Variants in IQGAP1 observed in about 807,000 individuals in gnomAD.
The protein encoded by IQGAP1 is ras GTPase-activating-like protein IQGAP1.
In IQGAP1, 66 loss-of-function variants were observed where a neutral mutation model predicts 215.6. The ratio of observed to expected loss-of-function variants is 0.31; its 90% CI spans 0.25 to 0.38. The LOEUF (loss-of-function observed/expected upper bound fraction) is 0.38, where lower values mean the gene tolerates loss of function less well. IQGAP1 is among the 10% of genes least tolerant of loss of function. IQGAP1 has a pLI of 1.00. For synonymous variants in IQGAP1, 772 were observed against 728.7 expected, an observed-to-expected ratio of 1.06 and a Z score of -0.96; for missense variants, 1,712 against 1,997.1, an observed-to-expected ratio of 0.86 and a Z score of 2.72.
chr15:90,403,258 C>T (rs1335572572), intron 2 of IQGAP1, among the ~76,000 whole-genome samples: 1 of 152,152 alleles, frequency 6.6e-6, no homozygotes, highest in African/African-American at 2.4e-5. Context: ...TGTGTTTCTT[C>T]CCTGAAGACA....
chr15:90,422,622 A>ACG (rs1555435938), intron 2 of IQGAP1, among the ~76,000 whole-genome samples: 2 of 47,026 alleles, frequency 4.3e-5, no homozygotes, highest in African/African-American at 2.3e-4. Context: ...ATATATATAT[A>ACG]TATGTATATA....
At chr15:90,445,836 T>C (rs1439095914) in intron 9 of IQGAP1, among the ~76,000 whole-genome samples, 1 of 130,724 alleles carries the variant, frequency 7.6e-6, no homozygotes, top group Non-Finnish European at 1.5e-5. Flanking sequence ...ACCAGCATTC[T>C]TTTTTTTTGG....
chr15:90,476,016 A>T (rs7182658), intron 23 of IQGAP1, among the ~76,000 whole-genome samples: 58,318 of 151,580 alleles, frequency 0.38, 12,406 homozygotes, highest in African/African-American at 0.59. Context: ...ACTCACTGCA[A>T]CCTCGACCTC....
At chr15:90,459,539 G>C (rs983027251) in intron 15 of IQGAP1, among the ~76,000 whole-genome samples, 1 of 152,198 alleles carries the variant, frequency 6.6e-6, no homozygotes, top group African/African-American at 2.4e-5. Flanking sequence ...TGACTATAGA[G>C]TTTGAAGCAT....
chr15:90,465,671 ATGTT>A (rs36085795), intron 15 of IQGAP1, among the ~76,000 whole-genome samples: 4,819 of 89,154 alleles, frequency 0.054, 117 homozygotes, highest in Non-Finnish European at 0.081. Flanking sequence ...TGGCCAAGCT[ATGTT>A]TGTTTGTTTG....
Position 90,390,844 on chromosome 15 carries a change from G to A in IQGAP1, c.126G>A (p.Glu42=). 6.2e-7 allele frequency: 1 copy of A among 1,612,052 alleles called. No individual in the cohort carries two copies. The highest frequency in any genetic ancestry group is 8.5e-7 in the Non-Finnish European group (1 of 1,178,102). The change falls in exon 2 of 38, where the codon GAG becomes GAA. Residue 42 remains glutamate (E), a synonymous_variant. Coordinates refer to ENST00000268182, the MANE Select transcript of IQGAP1 (RefSeq NM_003870.4). ...GGAGACGTCAGAACGTGGCTTATGAGTACCTTTGTCATTTGGAAGAAGCGA... is the reference window on the plus strand; with the variant it reads ...GGAGACGTCAGAACGTGGCTTATGAATACCTTTGTCATTTGGAAGAAGCGA... ...DERRRQNVAY[E]YLCHLEEAKR...
chr15:90,414,437 C>T (rs923201281), intron 2 of IQGAP1, among the ~76,000 whole-genome samples: 4 of 152,054 alleles, frequency 2.6e-5, no homozygotes, highest in Admixed American at 6.6e-5. Flanking sequence ...CCTGTGTCAC[C>T]ACTCCACTAA....
chr15:90,494,834 C>A lies in IQGAP1; in HGVS notation c.4750C>A (p.Gln1584Lys). Residue 1584 changes from glutamine to lysine, a missense_variant and splice_region_variant, in exon 36 of 38, where the codon CAG (glutamine) becomes AAG (lysine). Transcript: ENST00000268182. ...LLEIEDLQVN[Q>K]FKNVIFEISP... ...GGAAATTGAGGACCTGCAAGTGAAT[C>A]AGTGAGTCTTTGCTTTTTGTTTTAT... is the stretch of plus-strand genomic sequence containing the variant. 1.9e-6 allele frequency: 3 copies of A among 1,598,890 alleles called. No individual in the cohort carries two copies. The highest frequency in any genetic ancestry group is 2.3e-5 in the South Asian group (2 of 88,824).
chr15:90,388,347 C>T lies in IQGAP1; in HGVS notation c.6C>T (p.Ser2=). 6.3e-7 allele frequency: 1 copy of T among 1,596,026 alleles called. No homozygotes were observed. The highest frequency in any genetic ancestry group is 8.5e-7 in the Non-Finnish European group (1 of 1,172,748). Residue 2 remains serine (S), a synonymous_variant, in exon 1 of 38, where the codon TCC becomes TCT. Coordinates refer to ENST00000268182, the MANE Select transcript of IQGAP1 (RefSeq NM_003870.4). The part of the protein sequence containing the change: M[S]AADEVDGLGV... ...GAGACTCGGGCTCGTCCGCCATGTC[C>T]GCCGCAGACGAGGTTGACGGGCTGG...
At chr15:90,418,762 C>G (rs1965090137) in intron 2 of IQGAP1, among the ~76,000 whole-genome samples, 1 of 151,988 alleles carries the variant, frequency 6.6e-6, no homozygotes, top group Non-Finnish European at 1.5e-5. Context: ...TTCAGGAAGC[C>G]CAATTTCAGA....
chr15:90,464,829 G>A (rs1448966798), intron 15 of IQGAP1, among the ~76,000 whole-genome samples: 1 of 151,134 alleles, frequency 6.6e-6, no homozygotes, highest in Admixed American at 6.6e-5. Flanking sequence ...TCCAGTCTGA[G>A]TGACAGAGCG....
chr15:90,438,566 T>C (rs1248614955), intron 5 of IQGAP1, among the ~76,000 whole-genome samples: 2 of 152,226 alleles, frequency 1.3e-5, no homozygotes, highest in Non-Finnish European at 2.9e-5. Context: ...TTACCTGGAT[T>C]AAACTTTTCC....
At chr15:90,497,445 C>G (rs879841463) in intron 37 of IQGAP1, 105 bp downstream of exon 37, 7 of 655,314 alleles carry the variant, frequency 1.1e-5, no homozygotes, top group Non-Finnish European at 1.9e-5. Flanking sequence ...TGTCTACATT[C>G]AGCAGTGAGC....
intron 2 of IQGAP1, among the ~76,000 whole-genome samples, chr15:90,416,516 C>T (rs2151009701): frequency 6.6e-6 from 1 of 152,244 alleles, no homozygotes; most frequent in Admixed American, 6.5e-5. Context: ...TTTACAGTCC[C>T]TCCAGCAGTG....
chr15:90,418,981 A>C (rs1230759149), intron 2 of IQGAP1, among the ~76,000 whole-genome samples: 1 of 152,068 alleles, frequency 6.6e-6, no homozygotes, highest in Admixed American at 6.5e-5. Context: ...CCCTTTCTCT[A>C]CAAAAAAAGG....
chr15:90,394,853 A>G (rs1401915904), intron 2 of IQGAP1, among the ~76,000 whole-genome samples: 1 of 152,212 alleles, frequency 6.6e-6, no homozygotes, highest in Non-Finnish European at 1.5e-5. Flanking sequence ...TGTGTATCCT[A>G]GGGCACTCCA....
At chr15:90,421,613 T>G (rs1278261154) in intron 2 of IQGAP1, among the ~76,000 whole-genome samples, 1 of 152,054 alleles carries the variant, frequency 6.6e-6, no homozygotes, top group African/African-American at 2.4e-5. Flanking sequence ...ATGAAGAAGG[T>G]GATAGTCCTG....
At position 90,484,833 on chromosome 15, in the gene IQGAP1, T is replaced by A. The variant is rs577368830; in HGVS notation, c.3921+481T>A. Among the ~76,000 whole-genome samples, 5 of 152,262 alleles carry A rather than the reference T, an allele frequency of 3.3e-5. No individual in the cohort carries two copies. In the South Asian group the frequency reaches 1.0e-3, roughly 32 times the overall value. ...CTTTTGCTTGTTATTCTTAACAGTA[T>A]CTACTGCTAAGTTTCTAAAAGGTCT... On this transcript the variant is annotated intron_variant, in intron 30 of 37. Transcript: ENST00000268182.
intron 2 of IQGAP1, among the ~76,000 whole-genome samples, chr15:90,410,433 ACC>A (rs1964943541): frequency 6.6e-6 from 1 of 152,180 alleles, no homozygotes; most frequent in Non-Finnish European, 1.5e-5. Context: ...CTTGGAACCA[ACC>A]CAAATGTCCA....
Sources: gnomAD v4.1 joint callset for allele counts (sites outside exome capture counted in the v4.1 genomes callset) on GRCh38, gnomAD v4.1.1 for gene constraint, MANE v1.5 for transcripts, NCBI Gene and HGNC (gene_info 2026-07-23, HGNC 2026-07-21) for gene names.